Variants in ITGAE observed in about 807,000 individuals in gnomAD.
ITGAE encodes integrin alpha-E.
In ITGAE, 99 loss-of-function variants were observed where a neutral mutation model predicts 136.5. The ratio of observed to expected loss-of-function variants is 0.73; its 90% CI spans 0.62 to 0.86. The LOEUF (loss-of-function observed/expected upper bound fraction) is 0.86. Ranked by LOEUF, ITGAE falls within the 40% of genes least tolerant of loss-of-function variation. The pLI is 0.00. For missense variants in ITGAE, 1,447 were observed against 1,515.3 expected, an observed-to-expected ratio of 0.95 and a Z score of 0.75; for synonymous variants, 613 against 591.8, an observed-to-expected ratio of 1.04 and a Z score of -0.52.
At chr17:3,719,960 A>G (rs925146975) in intron 29 of ITGAE, among the ~76,000 whole-genome samples, 16 of 152,130 alleles carry the variant, frequency 1.1e-4, no homozygotes, top group African/African-American at 3.9e-4. Context: ...TTCTGACCTC[A>G]GGTGATCCAC....
At position 3,723,234 on chromosome 17, in the gene ITGAE, C is replaced by T. The variant is rs967197433; in HGVS notation, c.3237+54G>A. 2.9e-5 allele frequency: 34 copies of T among 1,159,864 alleles called. No homozygotes were observed. The African/African-American group carries it at 4.4e-4, about 15-fold the overall frequency. 71.8% of individuals were successfully genotyped at this position (1,159,864 alleles called of 1,614,324 possible). A position where few individuals can be genotyped will look rare whatever the true frequency, so the allele number is the denominator to read the frequency against. On this transcript the variant is annotated intron_variant, in intron 28 of 30. Coordinates refer to ENST00000263087, the MANE Select transcript of ITGAE (RefSeq NM_002208.5). ...AAGATGCTATTATCTCTTCTAGGGGCGATGCCCGTGAGCAACTGGATAATC... is the reference window on the plus strand; with the variant it reads ...AAGATGCTATTATCTCTTCTAGGGGTGATGCCCGTGAGCAACTGGATAATC...
At chr17:3,750,854 A>C (rs1256829187) in intron 15 of ITGAE, among the ~76,000 whole-genome samples, 1 of 152,088 alleles carries the variant, frequency 6.6e-6, no homozygotes, top group Non-Finnish European at 1.5e-5. Flanking sequence ...AAGTGACATA[A>C]TCAGGATAAC....
At chr17:3,785,509 AG>A (rs1447126759) in intron 1 of ITGAE, among the ~76,000 whole-genome samples, 2 of 133,124 alleles carry the variant, frequency 1.5e-5, no homozygotes, top group Non-Finnish European at 3.1e-5. Flanking sequence ...GAAGGAAGGA[AG>A]GAAGGAAGGA....
rs1304484693 is a variant in ITGAE at position 3,753,970 on chromosome 17, C to T, written c.1385-45G>A. ...GCTGTGAACACACCGTGTGCTCCCA[C>T]CTGGCCTCTCTCTTGGCCCCGGCAC... On this transcript the variant is annotated intron_variant, in intron 12 of 30. Coordinates refer to ENST00000263087, the MANE Select transcript of ITGAE (RefSeq NM_002208.5). The T allele has an allele frequency of 1.9e-6, 3 of 1,593,044 alleles. No individual in the cohort carries two copies. The African/African-American group carries it at 4.0e-5, about 21-fold the overall frequency.
chr17:3,731,330 C>A, intron 22 of ITGAE, 147 bp from the exon 23 acceptor site: 1 of 533,748 alleles, frequency 1.9e-6, no homozygotes, highest in South Asian at 2.1e-5. Context: ...GTTTCCTTTC[C>A]CTTCCTTTTT....
chr17:3,790,989 C>A (rs2052923757), intron 1 of ITGAE, among the ~76,000 whole-genome samples: 1 of 151,822 alleles, frequency 6.6e-6, no homozygotes, highest in African/African-American at 2.4e-5. Context: ...CCCTTCTCTA[C>A]TAAAACTACA....
intron 19 of ITGAE, among the ~76,000 whole-genome samples, chr17:3,741,741 A>G (rs1161668135): frequency 6.6e-6 from 1 of 152,184 alleles, no homozygotes; most frequent in African/African-American, 2.4e-5. Flanking sequence ...GAGATGGTGT[A>G]CTGAGAAGGA....
At chr17:3,782,868 C>G (rs909390610) in intron 1 of ITGAE, among the ~76,000 whole-genome samples, 3 of 152,172 alleles carry the variant, frequency 2.0e-5, no homozygotes, top group Admixed American at 2.0e-4. Context: ...TGACATCGCA[C>G]TCTCACGGGA....
chr17:3,751,507 G>A (rs1597331723), intron 15 of ITGAE, 143 bp downstream of exon 15: 1 of 702,292 alleles, frequency 1.4e-6, no homozygotes, highest in East Asian at 2.6e-5. Context: ...CCTAGCCTGG[G>A]GGACTTCTTT....
In ITGAE at chr17:3,723,338, T is replaced by C. The variant is rs1312269778; in HGVS notation, c.3187A>G (p.Lys1063Glu). The change falls in exon 28 of 31, where the codon AAA becomes GAA. Residue 1063 changes from lysine to glutamate, a missense_variant. Lys to Glu is a moderately conservative substitution (Grantham distance 56, BLOSUM62 1). This residue lies in a region of ITGAE where 1,031 missense variants were observed against 1,011.4 expected (regional missense o/e 1.02). Coordinates refer to ENST00000263087, the MANE Select transcript of ITGAE (RefSeq NM_002208.5). ...HSVSCVIASD[K>E]ENVTVAAEIS... ...TCTGCAGCCACGGTGACATTTTCTT[T>C]ATCTGAAGCGATGACACAGCTCACT... The C allele has an allele frequency of 2.5e-6, 4 of 1,613,952 alleles. No individual in the cohort carries two copies. Among genetic ancestry groups the C allele is most frequent in the Non-Finnish European group, 3.4e-6 (4 of 1,179,902 alleles).
At chr17:3,739,449 C>T (rs560352466) in intron 20 of ITGAE, among the ~76,000 whole-genome samples, 2 of 152,252 alleles carry the variant, frequency 1.3e-5, no homozygotes, top group East Asian at 3.9e-4. Flanking sequence ...AGAGGTGGGC[C>T]GGGAAAGAGG....
At chr17:3,790,599 C>T (rs1199283850) in intron 1 of ITGAE, among the ~76,000 whole-genome samples, 1 of 152,098 alleles carries the variant, frequency 6.6e-6, no homozygotes, top group Non-Finnish European at 1.5e-5. Flanking sequence ...AGAGTGTGCT[C>T]GCCACAGAAC....
chr17:3,743,570 G>C lies in ITGAE; in HGVS notation c.2367C>G (p.Tyr789Ter). 1 of 1,613,374 alleles carries C rather than the reference G, an allele frequency of 6.2e-7. No homozygotes were observed. The highest frequency in any genetic ancestry group is 1.1e-5 in the South Asian group (1 of 90,906). The change falls in exon 19 of 31, where the codon TAC (tyrosine) becomes TAG (stop). Residue 789 changes from tyrosine to a stop codon, truncating the protein, a stop_gained. Transcript: ENST00000263087. LOFTEE classifies it high-confidence loss of function. ...CFSNASVKVS[Y>*]QLQTPEGQTD... ...TCTGTCCCTCAGGGGTCTGGAGCTG[G>C]TAGCTGACTTTGACACTGGCATTGG...
In ITGAE at chr17:3,720,314, C is replaced by T. The variant is rs751658299; in HGVS notation, c.3326G>A (p.Arg1109Lys). ...AAGCCAGCCAGGAATTACCTTAGTT[C>T]TGTGGTTCTCTGCATTCAGTCCCTC... ...LYEGLNAENH[R>K]TKITVVFLKD... The change falls in exon 29 of 31, where the codon AGA (arginine) becomes AAA (lysine). Residue 1109 changes from arginine to lysine, a missense_variant. Physicochemically the swap from Arg to Lys is conservative, Grantham distance 26. This residue lies in a region of ITGAE where 1,031 missense variants were observed against 1,011.4 expected (regional missense o/e 1.02). Coordinates refer to ENST00000263087, the MANE Select transcript of ITGAE (RefSeq NM_002208.5). The T allele has an allele frequency of 6.5e-7, 1 of 1,543,618 alleles. No individual in the cohort carries two copies. The highest frequency in any genetic ancestry group is 9.0e-7 in the Non-Finnish European group (1 of 1,116,012).
chr17:3,796,143 GCA>G, intron 1 of ITGAE, among the ~76,000 whole-genome samples: 1 of 104,952 alleles, frequency 9.5e-6, no homozygotes, highest in Non-Finnish European at 2.0e-5. Flanking sequence ...CCATGTGTGT[GCA>G]TCCGTGTGTG....
chr17:3,750,090 TTC>T (rs1248862164), intron 16 of ITGAE, among the ~76,000 whole-genome samples: 1 of 152,228 alleles, frequency 6.6e-6, no homozygotes, highest in Non-Finnish European at 1.5e-5. Flanking sequence ...TTTGTATATA[TTC>T]GCTTGCATGA....
chr17:3,723,989 T>C, intron 26 of ITGAE: 1 of 1,593,938 alleles, frequency 6.3e-7, no homozygotes, highest in Non-Finnish European at 8.5e-7. Flanking sequence ...CATATGGGGC[T>C]GCGGACGGCA....
Position 3,724,920 on chromosome 17 carries a change from G to A in ITGAE, c.3085-1176C>T, listed in dbSNP as rs756143093. On this transcript the variant is annotated intron_variant, in intron 26 of 30. Transcript: ENST00000263087. ...GGGCCGCATTGTGCCAAGGGGAATA[G>A]ACAGGCTGGAGAGAACTAGATCAAG... The A allele has an allele frequency of 5.0e-6, 8 of 1,613,566 alleles. No individual in the cohort carries two copies. In the African/African-American group the frequency reaches 5.3e-5, roughly 11 times the overall value.
chr17:3,789,854 C>T lies in ITGAE; in HGVS notation c.34+11257G>A, dbSNP rs118166346. Among the ~76,000 whole-genome samples, 8 of 152,170 alleles carry T rather than the reference C, an allele frequency of 5.3e-5. No individual in the cohort carries two copies. The East Asian group carries it at 9.7e-4, about 18-fold the overall frequency. ...GCCCTTATAAAAATGGCATGAAAAA[C>T]GTCTTTTTTATGGATAAATTATTAC... On this transcript the variant is annotated intron_variant, in intron 1 of 30. Coordinates refer to ENST00000263087, the MANE Select transcript of ITGAE (RefSeq NM_002208.5).
Sources: gnomAD v4.1 joint callset for allele counts (sites outside exome capture counted in the v4.1 genomes callset) on GRCh38, gnomAD v4.1.1 for gene constraint, gnomAD v4.1.1 regional missense constraint, MANE v1.5 for transcripts, NCBI Gene and HGNC (gene_info 2026-07-23, HGNC 2026-07-21) for gene names.